Variants in MYO1H observed in about 807,000 individuals in gnomAD.
MYO1H encodes myosin IH.
In MYO1H, 118 loss-of-function variants were observed where a neutral mutation model predicts 149.3. The observed-to-expected ratio is 0.79, with a 90% confidence interval of 0.68 to 0.92. MYO1H has a LOEUF of 0.92. Ranked by LOEUF, MYO1H falls within the 40% of genes least tolerant of loss-of-function variation. The pLI is 0.00. For synonymous variants in MYO1H, 447 were observed against 465.2 expected, an observed-to-expected ratio of 0.96 and a Z score of 0.50; for missense variants, 1,212 against 1,280.7, an observed-to-expected ratio of 0.95 and a Z score of 0.82.
chr12:109,352,537 G>C (rs11066368), intron 1 of MYO1H, among the ~76,000 whole-genome samples: 1 of 151,940 alleles, frequency 6.6e-6, no homozygotes, highest in Non-Finnish European at 1.5e-5. Context: ...TACATCTTGC[G>C]TGTCTCGTTA....
the MYO1H span, among the ~76,000 whole-genome samples, chr12:109,323,188 G>A: frequency 1.1e-4 from 16 of 152,134 alleles, no homozygotes; most frequent in African/African-American, 3.9e-4. Context: ...CTTAACACGT[G>A]CAAAGCAATT....
chr12:109,406,392 G>A (rs976441747), intron 8 of MYO1H, among the ~76,000 whole-genome samples: 9 of 142,430 alleles, frequency 6.3e-5, no homozygotes, highest in Admixed American at 1.5e-4. Context: ...CTTGAGGCCA[G>A]AAATTCAAGG....
At chr12:109,390,666 G>GT (rs139927979) in intron 2 of MYO1H, among the ~76,000 whole-genome samples, 6,065 of 147,176 alleles carry the variant, frequency 0.041, 134 homozygotes, top group Middle Eastern at 0.056. Flanking sequence ...TTGTTTGTTT[G>GT]TTTTTTTTTT....
intron 19 of MYO1H, among the ~76,000 whole-genome samples, chr12:109,431,381 A>AAAT (rs1871608835): frequency 6.6e-6 from 1 of 152,000 alleles, no homozygotes; most frequent in African/African-American, 2.4e-5. Flanking sequence ...CTCCGTCTCA[A>AAAT]AAATAAATAA....
intron 14 of MYO1H, among the ~76,000 whole-genome samples, chr12:109,413,129 A>G (rs990165708): frequency 1.3e-5 from 2 of 150,748 alleles, no homozygotes; most frequent in African/African-American, 5.0e-5. Flanking sequence ...GTGCGCCATC[A>G]CGCCTGGCTA....
At chr12:109,348,276 C>T (rs1250295520) in intron 1 of MYO1H, among the ~76,000 whole-genome samples, 1 of 152,214 alleles carries the variant, frequency 6.6e-6, no homozygotes, top group Non-Finnish European at 1.5e-5. Context: ...TCTGTTAGCA[C>T]TGCCTAATGC....
intron 1 of MYO1H, among the ~76,000 whole-genome samples, chr12:109,363,341 C>A (rs1868792504): frequency 6.6e-6 from 1 of 152,178 alleles, no homozygotes; most frequent in African/African-American, 2.4e-5. Flanking sequence ...TCTCCATGCC[C>A]CTGAAATGCA....
intron 15 of MYO1H, among the ~76,000 whole-genome samples, chr12:109,417,043 C>G (rs531380272): frequency 2.0e-5 from 3 of 149,722 alleles, no homozygotes; most frequent in Admixed American, 1.3e-4. Flanking sequence ...TGGTGGTGAT[C>G]GCCTGTAGTC....
chr12:109,441,538 C>T, intron 25 of MYO1H, 77 bp from the exon 26 acceptor site: 2 of 899,956 alleles, frequency 2.2e-6, no homozygotes, highest in Admixed American at 2.8e-5. Context: ...AGGATGTGAC[C>T]TCAATGGGTC....
chr12:109,361,182 G>A (rs1254861860), intron 1 of MYO1H, among the ~76,000 whole-genome samples: 1 of 152,134 alleles, frequency 6.6e-6, no homozygotes, highest in East Asian at 1.9e-4. Flanking sequence ...GCTTATTATT[G>A]TAGGACATAA....
exon 6 of MYO1H, chr12:109,401,098 T>C: frequency 2.5e-6 from 4 of 1,613,496 alleles, no homozygotes; most frequent in Non-Finnish European, 3.4e-6. Context: ...TGAAGGGCAT[T>C]CCCGTAGGTG....
At chr12:109,340,831 G>C in the MYO1H span, among the ~76,000 whole-genome samples, 2 of 152,114 alleles carry the variant, frequency 1.3e-5, no homozygotes, top group African/African-American at 4.8e-5. Flanking sequence ...TAGATAGAAA[G>C]CAAGAGATAT....
At chr12:109,440,097 C>T (rs943864032) in intron 24 of MYO1H, among the ~76,000 whole-genome samples, 7 of 151,100 alleles carry the variant, frequency 4.6e-5, no homozygotes, top group Non-Finnish European at 8.8e-5. Flanking sequence ...TGCAGTGGCG[C>T]GATCTTGGCT....
intron 1 of MYO1H, among the ~76,000 whole-genome samples, chr12:109,380,087 G>T (rs2137024044): frequency 6.6e-6 from 1 of 151,904 alleles, no homozygotes; most frequent in East Asian, 1.9e-4. Flanking sequence ...TAGAGATACG[G>T]TCTCGCTTTG....
chr12:109,444,549 G>A lies in MYO1H; in HGVS notation c.2993+20G>A, dbSNP rs750257255. The A allele has an allele frequency of 6.4e-6, 10 of 1,568,914 alleles. No homozygotes were observed. The South Asian group carries it at 1.1e-4, about 17-fold the overall frequency. ...AGGAAGGTAGGTGGCTTCATCTTCA[G>A]CTCAGGAAGTAATTCAATGTTAAAA... On this transcript the variant is annotated intron_variant, in intron 30 of 31. Coordinates refer to ENST00000310903, the Ensembl canonical transcript of MYO1H.
intron 14 of MYO1H, among the ~76,000 whole-genome samples, chr12:109,413,926 A>C (rs1870786982): frequency 6.6e-6 from 1 of 151,992 alleles, no homozygotes; most frequent in South Asian, 2.1e-4. Context: ...AAAAAAAAGG[A>C]CTACATTCTA....
intron 6 of MYO1H, 41 bp downstream of exon 6, chr12:109,401,313 C>G: frequency 1.3e-6 from 2 of 1,562,794 alleles, no homozygotes; most frequent in South Asian, 1.2e-5. Context: ...CTCTTTGGAG[C>G]AGGGGATCAG....
At chr12:109,359,012 G>GTATA (rs1868677109) in intron 1 of MYO1H, among the ~76,000 whole-genome samples, 1 of 152,056 alleles carries the variant, frequency 6.6e-6, no homozygotes, top group African/African-American at 2.4e-5. Flanking sequence ...CCTCGCTGAT[G>GTATA]TATAGCAAGT....
At chr12:109,396,619 A>C (rs770087013) in intron 4 of MYO1H, 37 bp downstream of exon 4, 1 of 1,562,596 alleles carries the variant, frequency 6.4e-7, no homozygotes, top group South Asian at 1.2e-5. Flanking sequence ...AGGGAGTTCC[A>C]GGGAGGTCAC....
Sources: allele counts gnomAD v4.1 joint callset (sites outside exome capture counted in the v4.1 genomes callset), GRCh38; gene constraint gnomAD v4.1.1; transcripts MANE v1.5; gene names NCBI Gene and HGNC (gene_info 2026-07-23, HGNC 2026-07-21).